Variants in RBBP8 observed in about 807,000 individuals in gnomAD.
The protein encoded by RBBP8 is RB binding protein 8, endonuclease.
Under a neutral mutation model 108.3 loss-of-function variants are expected in RBBP8, and 88 were observed. The observed-to-expected ratio is 0.81, with a 90% CI of 0.68 to 0.97. The LOEUF (loss-of-function observed/expected upper bound fraction) is 0.97. RBBP8 is among the 50% of genes least tolerant of loss of function. The pLI, the probability that RBBP8 is intolerant of heterozygous loss-of-function variation, is 0.00. For missense variants in RBBP8, 1,023 were observed against 1,049.0 expected, an observed-to-expected ratio of 0.98 and a Z score of 0.34; for synonymous variants, 332 against 348.2, an observed-to-expected ratio of 0.95 and a Z score of 0.52.
In RBBP8 at chr18:22,933,422, G is replaced by A. The variant is rs916592914; in HGVS notation, c.-241G>A. ...CCTTAAAGCGCGGGCTGTCCGGAGG[G>A]GTCGGCTTTCCCACCGAGGATTTGG... On this transcript the variant is annotated 5_prime_UTR_variant, in exon 1 of 19. Transcript: ENST00000327155. 3.9e-5 allele frequency: 6 copies of A among 153,924 alleles called. No individual in the cohort carries two copies. The highest frequency in any genetic ancestry group is 5.9e-5 in the Non-Finnish European group (4 of 68,148). The allele number at this position is 153,924 out of a possible 1,614,324, so 9.5% of individuals were successfully genotyped here. A position where few individuals can be genotyped will look rare whatever the true frequency, so the allele number is the denominator to read the frequency against.
At chr18:22,981,847 A>G (rs186045532) in intron 6 of RBBP8, among the ~76,000 whole-genome samples, 35 of 152,288 alleles carry the variant, frequency 2.3e-4, no homozygotes, top group African/African-American at 8.4e-4. Context: ...CTTGCTTTCT[A>G]CATTATGTGC....
At chr18:22,953,518 T>G (rs557422318) in intron 4 of RBBP8, among the ~76,000 whole-genome samples, 4 of 152,328 alleles carry the variant, frequency 2.6e-5, no homozygotes, top group East Asian at 1.9e-4. Context: ...AAGATAGTAT[T>G]CTTCATCCTG....
intron 4 of RBBP8, chr18:22,950,008 A>C (rs1598651656): frequency 4.0e-6 from 1 of 249,866 alleles, no homozygotes; most frequent in East Asian, 8.8e-5. Context: ...TTTACTTCTA[A>C]GTAGGTGGAA....
chr18:23,004,206 C>G (rs1360350761), intron 15 of RBBP8, among the ~76,000 whole-genome samples: 1 of 151,644 alleles, frequency 6.6e-6, no homozygotes, highest in Non-Finnish European at 1.5e-5. Context: ...TCAGAATAGC[C>G]AAGATACGGA....
intron 18 of RBBP8, 60 bp downstream of exon 18, chr18:23,022,330 G>C (rs2046359710): frequency 6.6e-7 from 1 of 1,505,284 alleles, no homozygotes; most frequent in African/African-American, 1.4e-5. Context: ...GCCGGGCACA[G>C]TGGCTCACGC....
chr18:23,016,913 G>T lies in RBBP8; in HGVS notation c.2443G>T (p.Glu815Ter). ...AAAACTGCTTGGGCACACGTGTAAGGAATGTGAAATTGTAAGTACTAATGT... is the reference window on the plus strand; with the variant it reads ...AAAACTGCTTGGGCACACGTGTAAGTAATGTGAAATTGTAAGTACTAATGT... ...RRKLLGHTCKECEIYYADMPA... is the reference protein window; with the variant it reads ...RRKLLGHTCK The change falls in exon 17 of 19, where the codon GAA (glutamate) becomes TAA (stop). Residue 815 changes from glutamate to a stop codon, truncating the protein, a stop_gained. Transcript: ENST00000327155. LOFTEE classifies it high-confidence loss of function. The T allele has an allele frequency of 6.2e-7, 1 of 1,612,292 alleles. No individual in the cohort carries two copies. Among genetic ancestry groups the T allele is most frequent in the Non-Finnish European group, 8.5e-7 (1 of 1,178,550 alleles).
chr18:23,000,935 T>C (rs1283866295), intron 14 of RBBP8, among the ~76,000 whole-genome samples: 1 of 152,174 alleles, frequency 6.6e-6, no homozygotes, highest in African/African-American at 2.4e-5. Flanking sequence ...AGTTTGCTAC[T>C]CACTGAGAGT....
rs747050011 is a variant in RBBP8 at position 22,993,723 on chromosome 18, T to G, written c.1815T>G (p.Ser605Arg). 4 of 1,614,172 alleles carry G rather than the reference T, an allele frequency of 2.5e-6. No individual in the cohort carries two copies. Among genetic ancestry groups the G allele is most frequent in the Non-Finnish European group, 2.5e-6 (3 of 1,180,014 alleles). The change falls in exon 12 of 19, where the codon AGT (serine) becomes AGG (arginine). Residue 605 changes from serine to arginine, a missense_variant and splice_region_variant. By Grantham distance (110) the Ser-to-Arg change is moderately radical (BLOSUM62 -1). Transcript: ENST00000327155. The stretch of plus-strand genomic sequence containing the variant: ...GCTAACAATTATTTCTGTTTTAGAG[T>G]GCTGGTTCTCATGAGCCAATAAAAA... The part of the protein sequence containing the change: ...ETENVLDDIK[S>R]AGSHEPIKIQ...
chr18:23,008,769 A>ATTTTTTT (rs71161355), intron 16 of RBBP8, among the ~76,000 whole-genome samples: 34 of 100,004 alleles, frequency 3.4e-4, no homozygotes, highest in African/African-American at 4.9e-4. Context: ...TATGACTTTG[A>ATTTTTTT]TTTTTTTTTT....
At chr18:22,954,392 C>T (rs992264142) in intron 4 of RBBP8, among the ~76,000 whole-genome samples, 1 of 152,182 alleles carries the variant, frequency 6.6e-6, no homozygotes, top group Non-Finnish European at 1.5e-5. Context: ...CTGCAGGCCC[C>T]ATGCAAATCC....
intron 3 of RBBP8, among the ~76,000 whole-genome samples, chr18:22,921,603 T>A (rs1330402606): frequency 6.6e-6 from 1 of 152,028 alleles, no homozygotes; most frequent in Non-Finnish European, 1.5e-5. Context: ...AGTTTTATAA[T>A]TCTAATACAA....
In RBBP8 at chr18:23,016,818, T is replaced by C; in HGVS notation, c.2358-10T>C. On this transcript the variant is annotated splice_polypyrimidine_tract_variant and intron_variant, in intron 16 of 18. Transcript: ENST00000327155. ...CTAAGCTTTGTTAATTTAATTCATT[T>C]TTCCCCCAGAGAGACTAGCTTGCAA... 6.3e-7 allele frequency: 1 copy of C among 1,584,972 alleles called. No individual in the cohort carries two copies. The highest frequency in any genetic ancestry group is 8.7e-7 in the Non-Finnish European group (1 of 1,153,692).
chr18:22,917,297 G>C (rs1236030150), intron 3 of RBBP8, among the ~76,000 whole-genome samples: 1 of 152,202 alleles, frequency 6.6e-6, no homozygotes, highest in Non-Finnish European at 1.5e-5. Flanking sequence ...CAAGAGAAAA[G>C]GCAGTATACT....
Position 22,989,303 on chromosome 18 carries a change from T to A in RBBP8, c.792T>A (p.Gly264=), listed in dbSNP as rs751553366. ...TTGTTGCTGAAACACTTGGACTTGG[T>A]GTTCAAGAAGAATCTGTAAGTAATT... ...ATVVAETLGL[G]VQEESETQGP... Residue 264 remains glycine (G), a synonymous_variant, in exon 9 of 19, where the codon GGT becomes GGA. Transcript: ENST00000327155. 4 of 1,603,038 alleles carry A rather than the reference T, an allele frequency of 2.5e-6. No homozygotes were observed. The African/African-American group carries it at 5.4e-5, about 21-fold the overall frequency.
intron 8 of RBBP8, chr18:22,985,212 G>GCCTTCTTTACTT: frequency 4.2e-6 from 1 of 235,504 alleles, no homozygotes; most frequent in Non-Finnish European, 6.9e-6. Context: ...TTTAAGTAAA[G>GCCTTCTTTACTT]AAGGCTTTAC....
At chr18:22,967,305 G>T (rs1222953320) in intron 4 of RBBP8, among the ~76,000 whole-genome samples, 2 of 150,048 alleles carry the variant, frequency 1.3e-5, no homozygotes, top group Non-Finnish European at 3.0e-5. Context: ...GGCGGAGCTT[G>T]CAGTGAGCTG....
At chr18:22,946,643 TCAG>T (rs1911588769) in intron 3 of RBBP8, among the ~76,000 whole-genome samples, 157 bp downstream of exon 3, 1 of 152,066 alleles carries the variant, frequency 6.6e-6, no homozygotes, top group South Asian at 2.1e-4. Flanking sequence ...GCCTTGGTAG[TCAG>T]CAGCAGTTTT....
chr18:22,932,946 G>A (rs1022493150), upstream of RBBP8, among the ~76,000 whole-genome samples: 1 of 152,206 alleles, frequency 6.6e-6, no homozygotes, highest in African/African-American at 2.4e-5. Context: ...ACAGCGACAA[G>A]GCCGAAAACT....
intron 15 of RBBP8, 115 bp from the exon 16 acceptor site, chr18:23,006,248 A>G: frequency 1.1e-6 from 1 of 882,756 alleles, no homozygotes. Flanking sequence ...AGAGGCCTGG[A>G]GCATGAAACC....
Sources: gnomAD v4.1 joint callset for allele counts (sites outside exome capture counted in the v4.1 genomes callset) on GRCh38, gnomAD v4.1.1 for gene constraint, MANE v1.5 for transcripts, NCBI Gene and HGNC (gene_info 2026-07-23, HGNC 2026-07-21) for gene names.